MTUS2: variants seen among roughly 807,000 people sequenced by gnomAD.
MTUS2 encodes the protein microtubule associated scaffold protein 2, also known as microtubule-associated tumor suppressor candidate 2.
Under a neutral mutation model 114.1 loss-of-function variants are expected in MTUS2, and 40 were observed. The ratio of observed to expected loss-of-function variants is 0.35; its 90% CI spans 0.27 to 0.46. The LOEUF is 0.46. Among genes scored for constraint, MTUS2 ranks in the 20% least tolerant of loss-of-function variants. MTUS2 has a pLI of 1.00. For synonymous variants in MTUS2, 688 were observed against 672.0 expected (o/e 1.02, Z -0.37); for missense variants, 1,679 against 1,705.4 (o/e 0.98, Z 0.27).
At chr13:29,499,006 G>A (rs1287106815) in intron 14 of MTUS2, among the ~76,000 whole-genome samples, 2 of 152,208 alleles carry the variant, frequency 1.3e-5, no homozygotes, top group Admixed American at 6.5e-5. Context: ...TCACAAGGCA[G>A]AAGGGGCCAG....
chr13:28,921,445 A>G (rs1414347900), intron 2 of MTUS2, among the ~76,000 whole-genome samples: 1 of 152,174 alleles, frequency 6.6e-6, no homozygotes, highest in Non-Finnish European at 1.5e-5. Context: ...CTTTTCAAAC[A>G]GAAGGAAGGG....
chr13:29,278,726 C>T (rs1898158007), intron 5 of MTUS2, among the ~76,000 whole-genome samples: 1 of 152,194 alleles, frequency 6.6e-6, no homozygotes, highest in Non-Finnish European at 1.5e-5. Context: ...TTTTCACTGT[C>T]AGTGGAATTG....
intron 5 of MTUS2, among the ~76,000 whole-genome samples, chr13:29,215,897 C>T (rs538269532): frequency 2.0e-5 from 3 of 152,304 alleles, no homozygotes; most frequent in African/African-American, 7.2e-5. Context: ...TAGCAGAGCT[C>T]GAGAACTGTG....
chr13:29,280,559 A>G (rs1294151388), intron 5 of MTUS2, among the ~76,000 whole-genome samples: 7 of 152,236 alleles, frequency 4.6e-5, no homozygotes, highest in African/African-American at 1.7e-4. Context: ...AGCCATTTTA[A>G]TAATATTATC....
chr13:29,379,470 G>A (rs573918057), intron 8 of MTUS2, among the ~76,000 whole-genome samples: 17 of 152,294 alleles, frequency 1.1e-4, no homozygotes, highest in Admixed American at 3.9e-4. Context: ...CCTACAGGAC[G>A]CTGCGAGAAC....
At chr13:29,309,915 C>A (rs908316911) in intron 6 of MTUS2, among the ~76,000 whole-genome samples, 4 of 152,220 alleles carry the variant, frequency 2.6e-5, no homozygotes, top group Middle Eastern at 3.4e-3. Flanking sequence ...CTTTATGTTA[C>A]AAACAATTCA....
At chr13:29,238,104 C>T (rs1896602744) in intron 5 of MTUS2, among the ~76,000 whole-genome samples, 1 of 152,158 alleles carries the variant, frequency 6.6e-6, no homozygotes, top group Non-Finnish European at 1.5e-5. Context: ...GAAGGGATCT[C>T]TGCATTCCCA....
chr13:28,948,084 G>A (rs775201381), intron 2 of MTUS2, among the ~76,000 whole-genome samples: 1 of 152,140 alleles, frequency 6.6e-6, no homozygotes, highest in Non-Finnish European at 1.5e-5. Context: ...GCATATTTAT[G>A]CAATCAAAAA....
At chr13:29,052,946 C>A (rs1887970863) in intron 4 of MTUS2, among the ~76,000 whole-genome samples, 1 of 152,096 alleles carries the variant, frequency 6.6e-6, no homozygotes, top group African/African-American at 2.4e-5. Flanking sequence ...TAAGGGGCTT[C>A]CCCCTTCACT....
chr13:29,288,212 C>A (rs1016226452), intron 6 of MTUS2, among the ~76,000 whole-genome samples: 3 of 152,176 alleles, frequency 2.0e-5, no homozygotes, highest in Non-Finnish European at 2.9e-5. Context: ...AATTCATGGG[C>A]TTATCCTTGT....
At chr13:28,915,596 C>G (rs1460082018) in intron 2 of MTUS2, among the ~76,000 whole-genome samples, 1 of 151,914 alleles carries the variant, frequency 6.6e-6, no homozygotes, top group African/African-American at 2.4e-5. Flanking sequence ...TGTAAGTCTT[C>G]TTTTGAAAAA....
chr13:29,183,022 C>T (rs369413295), intron 5 of MTUS2, among the ~76,000 whole-genome samples: 2 of 152,068 alleles, frequency 1.3e-5, no homozygotes, highest in Non-Finnish European at 2.9e-5. Context: ...TTACTCTGTG[C>T]GAAATGGGAA....
intron 7 of MTUS2, among the ~76,000 whole-genome samples, chr13:29,332,984 C>T (rs1900869219): frequency 6.6e-6 from 1 of 151,666 alleles, no homozygotes. Flanking sequence ...TTAGATCTTT[C>T]CCGCTTTCTC....
In MTUS2 at chr13:29,025,890, C is replaced by G. The variant is rs538029825; in HGVS notation, c.1192C>G (p.Gln398Glu). Reference protein sequence around the residue: ...EQDSLHTTPKQGSASLGGADN... With the variant: ...EQDSLHTTPKEGSASLGGADN... ...GGATTCTCTCCACACCACCCCCAAA[C>G]AGGGCTCTGCTTCCTTAGGAGGGGC... Residue 398 changes from glutamine (Q) to glutamate (E), a missense_variant, in exon 3 of 16, where the codon CAG (glutamine) becomes GAG (glutamate). This residue lies in a region of MTUS2 where 843 missense variants were observed against 770.8 expected (regional missense o/e 1.09). Transcript: ENST00000612955. 5.0e-6 allele frequency: 8 copies of G among 1,613,532 alleles called. No homozygotes were observed. The East Asian group carries it at 1.6e-4, about 31-fold the overall frequency.
At chr13:29,068,415 G>A (rs577568064) in intron 4 of MTUS2, among the ~76,000 whole-genome samples, 311 of 151,686 alleles carry the variant, frequency 2.1e-3, no homozygotes, top group Non-Finnish European at 3.7e-3. Flanking sequence ...TGGCTCTGGA[G>A]TGTGAAGCAC....
chr13:29,362,531 A>T (rs952002034), intron 8 of MTUS2, among the ~76,000 whole-genome samples: 8 of 151,820 alleles, frequency 5.3e-5, no homozygotes, highest in African/African-American at 1.7e-4. Flanking sequence ...AAAAAAAATT[A>T]AAAAAATTAG....
chr13:28,883,565 T>C (rs1593269092), intron 2 of MTUS2, among the ~76,000 whole-genome samples: 1 of 152,174 alleles, frequency 6.6e-6, no homozygotes, highest in South Asian at 2.1e-4. Flanking sequence ...AAATACTATA[T>C]GATTCTGTTA....
chr13:29,452,659 G>A (rs1198786238), intron 9 of MTUS2, among the ~76,000 whole-genome samples: 1 of 150,876 alleles, frequency 6.6e-6, no homozygotes. Context: ...GCCCAGGCTG[G>A]TCTCGAACTC....
intron 8 of MTUS2, among the ~76,000 whole-genome samples, chr13:29,394,858 C>T (rs1206458822): frequency 6.6e-6 from 1 of 152,116 alleles, no homozygotes; most frequent in African/African-American, 2.4e-5. Context: ...CTAGGTTGCG[C>T]CCTCCTTTAT....
Sources: gnomAD v4.1 joint callset for allele counts (sites outside exome capture counted in the v4.1 genomes callset) on GRCh38, gnomAD v4.1.1 for gene constraint, gnomAD v4.1.1 regional missense constraint, MANE v1.5 for transcripts, NCBI Gene and HGNC (gene_info 2026-07-23, HGNC 2026-07-21) for gene names.